Variants in NLGN1 observed in about 807,000 individuals in gnomAD.
The protein encoded by NLGN1 is neuroligin-1.
NLGN1 carries 12 observed loss-of-function variants against 65.5 expected under a neutral mutation model. That is an observed-to-expected ratio of 0.18 (90% CI 0.12 to 0.30). NLGN1 has a LOEUF of 0.30. Ranked by LOEUF, NLGN1 falls within the 10% of genes least tolerant of loss-of-function variation. NLGN1 has a pLI of 1.00. For synonymous variants in NLGN1, 350 were observed against 359.5 expected (o/e 0.97, Z 0.30); for missense variants, 750 against 1,007.1 (o/e 0.74, Z 3.46).
Position 174,064,868 on chromosome 3 carries a change from GTAAGTACTATATAT to G in NLGN1, c.647-210428_647-210415del, listed in dbSNP as rs1218966742. ...GATATACATTATATTAATACACATA[GTAAGTACTATATAT>G]TAAGTACTATATATTAAGACACATA... On this transcript the variant is annotated intron_variant, in intron 4 of 6. Transcript: ENST00000457714. 7.1e-4 allele frequency among the ~76,000 whole-genome samples: 106 copies of G among 148,594 alleles called. 1 individual carries two copies. In the South Asian group the frequency reaches 0.019, roughly 27 times the overall value.
intron 4 of NLGN1, among the ~76,000 whole-genome samples, chr3:173,895,283 A>G (rs1332934722): frequency 6.6e-6 from 1 of 152,016 alleles, no homozygotes; most frequent in Non-Finnish European, 1.5e-5. Context: ...CCCTTTTTCT[A>G]TGCAAGGTAA....
chr3:173,461,261 A>G (rs954102388), intron 2 of NLGN1, among the ~76,000 whole-genome samples: 76 of 152,152 alleles, frequency 5.0e-4, no homozygotes, highest in Admixed American at 6.6e-5. Flanking sequence ...AGTGAGCACT[A>G]GGGGAATTTT....
chr3:173,763,802 A>T (rs1226763950), intron 3 of NLGN1, among the ~76,000 whole-genome samples: 1 of 152,124 alleles, frequency 6.6e-6, no homozygotes, highest in East Asian at 1.9e-4. Flanking sequence ...AAAAGTAAGA[A>T]AAAGAAGAAA....
intron 3 of NLGN1, among the ~76,000 whole-genome samples, chr3:173,609,772 A>G (rs1751987960): frequency 6.6e-6 from 1 of 151,976 alleles, no homozygotes. Flanking sequence ...AATGATGAAC[A>G]CAATAAAAAC....
chr3:173,653,176 T>C (rs907149115), intron 3 of NLGN1, among the ~76,000 whole-genome samples: 1 of 152,188 alleles, frequency 6.6e-6, no homozygotes, highest in African/African-American at 2.4e-5. Context: ...TAACATCATA[T>C]CATCAGTAAA....
rs149149821 is a variant in NLGN1, at chr3:173,510,429, A to G, written c.-321+75351A>G. ...TTCCTAGTATGTCATCACTATCCCC[A>G]TTTTATAGCCAGAACACAGGTGAAT... On this transcript the variant is annotated intron_variant, in intron 2 of 6. Coordinates refer to ENST00000457714, the Ensembl canonical transcript of NLGN1. Among the ~76,000 whole-genome samples the G allele has an allele frequency of 5.6e-3, 854 of 152,260 alleles. 7 individuals are homozygous for G. The highest frequency in any genetic ancestry group is 0.019 in the African/African-American group (802 of 41,542).
At chr3:173,442,980 G>A (rs1346914142) in intron 2 of NLGN1, among the ~76,000 whole-genome samples, 1 of 152,046 alleles carries the variant, frequency 6.6e-6, no homozygotes, top group Non-Finnish European at 1.5e-5. Flanking sequence ...ATGACAGAGT[G>A]GTTTGAAGCC....
At chr3:173,436,507 T>C (rs895158970) in intron 2 of NLGN1, among the ~76,000 whole-genome samples, 31 of 152,286 alleles carry the variant, frequency 2.0e-4, no homozygotes, top group African/African-American at 7.5e-4. Flanking sequence ...GAAGACTGTG[T>C]GTTTGTGACC....
At chr3:173,666,866 A>G (rs1306896770) in intron 3 of NLGN1, among the ~76,000 whole-genome samples, 1 of 152,200 alleles carries the variant, frequency 6.6e-6, no homozygotes, top group African/African-American at 2.4e-5. Flanking sequence ...AGAACTACAG[A>G]AAACACAGAT....
rs1936454670 is a variant in NLGN1, at chr3:174,231,360, G to A, written c.647-43955G>A. ...GTGACCTACAGGAATTGGAAGCGAGGTACAGAAACAGTGAGATTGGTTACA... is the reference window on the plus strand; with the variant it reads ...GTGACCTACAGGAATTGGAAGCGAGATACAGAAACAGTGAGATTGGTTACA... On this transcript the variant is annotated intron_variant, in intron 4 of 6. Coordinates refer to ENST00000457714, the Ensembl canonical transcript of NLGN1. Among the ~76,000 whole-genome samples, 3 of 152,164 alleles carry A rather than the reference G, an allele frequency of 2.0e-5. No homozygotes were observed. The South Asian group carries it at 6.2e-4, about 32-fold the overall frequency.
At chr3:173,849,077 T>C (rs1230876465) in intron 4 of NLGN1, among the ~76,000 whole-genome samples, 3 of 152,172 alleles carry the variant, frequency 2.0e-5, no homozygotes, top group African/African-American at 7.2e-5. Context: ...ATTGTCAATT[T>C]TCCTTGGACT....
chr3:174,043,492 G>A lies in NLGN1; in HGVS notation c.647-231823G>A, dbSNP rs141551284. On this transcript the variant is annotated intron_variant, in intron 4 of 6. Transcript: ENST00000457714. The stretch of plus-strand genomic sequence containing the variant: ...GTAAATACATCCATTCCAAATGGGA[G>A]CAATTGGCTAAAACAAAGGAGCTAC... Among the ~76,000 whole-genome samples, 162 of 152,274 alleles carry A rather than the reference G, an allele frequency of 1.1e-3. 2 individuals carry two copies. In the Middle Eastern group the frequency reaches 0.014, roughly 13 times the overall value.
At chr3:173,610,688 G>A (rs993544118) in intron 3 of NLGN1, among the ~76,000 whole-genome samples, 17 of 151,916 alleles carry the variant, frequency 1.1e-4, no homozygotes, top group African/African-American at 3.9e-4. Flanking sequence ...TGGAAGTTAA[G>A]TAAGGAAAAT....
intron 3 of NLGN1, among the ~76,000 whole-genome samples, chr3:173,801,598 G>A (rs1715471479): frequency 6.6e-6 from 1 of 151,784 alleles, no homozygotes; most frequent in South Asian, 2.1e-4. Context: ...TTACAGAGGT[G>A]GAGTATTGAG....
intron 4 of NLGN1, among the ~76,000 whole-genome samples, chr3:174,081,653 T>G (rs978985164): frequency 4.0e-5 from 6 of 151,046 alleles, no homozygotes; most frequent in Non-Finnish European, 8.9e-5. Context: ...AATGGCATGA[T>G]CTTGGCTCAC....
intron 2 of NLGN1, among the ~76,000 whole-genome samples, chr3:173,560,137 G>T (rs980183473): frequency 1.3e-5 from 2 of 151,834 alleles, no homozygotes; most frequent in Non-Finnish European, 2.9e-5. Context: ...TAGAGACGGG[G>T]TTTCACCGCG....
At chr3:173,535,777 G>T (rs1560398823) in intron 2 of NLGN1, among the ~76,000 whole-genome samples, 1 of 152,098 alleles carries the variant, frequency 6.6e-6, no homozygotes, top group Admixed American at 6.6e-5. Flanking sequence ...GTTTTCTGTT[G>T]TCAAAATAAG....
intron 4 of NLGN1, among the ~76,000 whole-genome samples, chr3:173,977,606 G>T (rs986455874): frequency 6.6e-6 from 1 of 151,938 alleles, no homozygotes; most frequent in East Asian, 1.9e-4. Context: ...CAACAAGCCG[G>T]CTTGTGATCC....
At chr3:174,165,347 G>A (rs1047218173) in intron 4 of NLGN1, among the ~76,000 whole-genome samples, 11 of 151,998 alleles carry the variant, frequency 7.2e-5, no homozygotes, top group Non-Finnish European at 1.3e-4. Flanking sequence ...TGGCATAGAC[G>A]TGGTTCTTAT....
Sources: allele counts gnomAD v4.1 joint callset (sites outside exome capture counted in the v4.1 genomes callset), GRCh38; gene constraint gnomAD v4.1.1; transcripts MANE v1.5; gene names NCBI Gene and HGNC (gene_info 2026-07-23, HGNC 2026-07-21).